The following TUSC3 variants were observed in gnomAD, a reference collection of about 807,000 sequenced individuals.
TUSC3 encodes dolichyl-diphosphooligosaccharide--protein glycosyltransferase subunit TUSC3.
Under a neutral mutation model 44.8 loss-of-function variants are expected in TUSC3, and 45 were observed. That is an observed-to-expected ratio of 1.00 (90% CI 0.79 to 1.29). The LOEUF (loss-of-function observed/expected upper bound fraction) is 1.29. TUSC3 is among the 50% of genes most tolerant of loss of function. The pLI is 0.00. For synonymous variants in TUSC3, 212 were observed against 152.9 expected, an observed-to-expected ratio of 1.39 and a Z score of -2.85; for missense variants, 519 against 437.9, an observed-to-expected ratio of 1.19 and a Z score of -1.65.
At chr8:15,777,069 G>C in the TUSC3 span, among the ~76,000 whole-genome samples, 1 of 152,070 alleles carries the variant, frequency 6.6e-6, no homozygotes, top group Non-Finnish European at 1.5e-5. Flanking sequence ...AGTCTTACAA[G>C]GTTCTTTTCC....
At chr8:15,423,969 GTTTTTTTTTTTTTTTTTTTTTTTTT>G (rs112397215) in intron 1 of TUSC3, among the ~76,000 whole-genome samples, 5 of 70,362 alleles carry the variant, frequency 7.1e-5, no homozygotes, top group Admixed American at 2.1e-4. Context: ...GTTTTGCTTT[GTTTTTTTTTTTTTTTTTTTTTTTTT>G]TTTTTTTTTT....
intron 1 of TUSC3, among the ~76,000 whole-genome samples, chr8:15,609,159 A>G (rs900342714): frequency 2.6e-5 from 4 of 152,192 alleles, no homozygotes; most frequent in Non-Finnish European, 4.4e-5. Context: ...AATTAACTCA[A>G]TTTTACAATT....
At chr8:15,446,470 A>T (rs929204334) in intron 1 of TUSC3, among the ~76,000 whole-genome samples, 2 of 152,074 alleles carry the variant, frequency 1.3e-5, no homozygotes, top group African/African-American at 4.8e-5. Context: ...CTCCGTCTGC[A>T]ATCCCGGCAC....
At position 15,619,514 on chromosome 8, in the gene TUSC3, C is replaced by T. The variant is rs542168288; in HGVS notation, c.139-3566C>T. ...CCATATATTTTTTTTTTTTTCCAGT[C>T]GAAGTCTGTCTCTGTCGCCCAGGCT... is the stretch of plus-strand genomic sequence containing the variant. On this transcript the variant is annotated intron_variant, in intron 1 of 10. Coordinates refer to ENST00000503731, the MANE Select transcript of TUSC3 (RefSeq NM_006765.4). 1.3e-4 allele frequency among the ~76,000 whole-genome samples: 20 copies of T among 150,026 alleles called. No individual in the cohort carries two copies. In the South Asian group the frequency reaches 1.5e-3, roughly 11 times the overall value.
the TUSC3 span, among the ~76,000 whole-genome samples, chr8:15,810,422 G>A: frequency 6.6e-6 from 1 of 152,168 alleles, no homozygotes; most frequent in African/African-American, 2.4e-5. Flanking sequence ...AGGATCACTT[G>A]AGCCCAGGAG....
At chr8:15,837,757 T>C in the TUSC3 span, among the ~76,000 whole-genome samples, 1 of 152,212 alleles carries the variant, frequency 6.6e-6, no homozygotes, top group African/African-American at 2.4e-5. Flanking sequence ...TTATAATAAC[T>C]TTTGTCTGGC....
rs1200487437 is a variant in TUSC3 at position 15,756,122 on chromosome 8, G to A, written c.1029-1669G>A. Among the ~76,000 whole-genome samples the A allele has an allele frequency of 2.0e-5, 3 of 152,160 alleles. 1 individual carries two copies. The highest frequency in any genetic ancestry group is 4.4e-5 in the Non-Finnish European group (3 of 68,018). ...AATTAGGAGAAGACCCGAGCTCAAG[G>A]TTGGGGTTTAATTCTGTGTATTAGC... is the stretch of plus-strand genomic sequence containing the variant. On this transcript the variant is annotated intron_variant, in intron 9 of 10. Transcript: ENST00000503731.
chr8:15,785,761 T>C, the TUSC3 span, among the ~76,000 whole-genome samples: 1 of 152,214 alleles, frequency 6.6e-6, no homozygotes, highest in East Asian at 1.9e-4. Flanking sequence ...ACAGAATAGA[T>C]GCCTAACATA....
At chr8:15,653,930 A>G (rs1197296647) in intron 3 of TUSC3, among the ~76,000 whole-genome samples, 1 of 152,064 alleles carries the variant, frequency 6.6e-6, no homozygotes, top group Non-Finnish European at 1.5e-5. Context: ...CTCACTGGGG[A>G]AGTAACTTCA....
Position 15,487,519 on chromosome 8 carries a change from A to G in TUSC3, n.189+4036A>G, listed in dbSNP as rs1237774697. Among the ~76,000 whole-genome samples, 2 of 152,222 alleles carry G rather than the reference A, an allele frequency of 1.3e-5. 1 individual carries two copies. Among genetic ancestry groups the G allele is most frequent in the Non-Finnish European group, 2.9e-5 (2 of 68,044 alleles). On this transcript the variant is annotated intron_variant and non_coding_transcript_variant, in intron 2 of 5. Transcript: ENST00000503191. ...TTAATTTATCCATTTGTATTATTATAAGGGCTAGTTTATCCTGGTAGGCTT... is the reference window on the plus strand; with the variant it reads ...TTAATTTATCCATTTGTATTATTATGAGGGCTAGTTTATCCTGGTAGGCTT...
At chr8:15,779,924 T>A in the TUSC3 span, among the ~76,000 whole-genome samples, 1 of 152,108 alleles carries the variant, frequency 6.6e-6, no homozygotes. Context: ...CCTGCTAAGA[T>A]CAGAAACAAA....
intron 2 of TUSC3, among the ~76,000 whole-genome samples, chr8:15,489,783 C>T (rs76744934): frequency 2.6e-5 from 4 of 152,114 alleles, no homozygotes; most frequent in Admixed American, 2.0e-4. Context: ...CTCTTCCCAT[C>T]GTGGCCTAAA....
upstream of TUSC3, among the ~76,000 whole-genome samples, chr8:15,538,829 T>TTA (rs1008826755): frequency 2.6e-5 from 4 of 151,482 alleles, no homozygotes; most frequent in African/African-American, 9.7e-5. Context: ...TCCTTAAGTA[T>TTA]TATATATATA....
At chr8:15,776,333 T>G in the TUSC3 span, among the ~76,000 whole-genome samples, 2 of 152,106 alleles carry the variant, frequency 1.3e-5, no homozygotes, top group African/African-American at 4.8e-5. Flanking sequence ...ATTTATTTTA[T>G]GAATGGGCAA....
At chr8:15,477,034 A>C (rs966289687) in intron 1 of TUSC3, among the ~76,000 whole-genome samples, 7 of 152,130 alleles carry the variant, frequency 4.6e-5, no homozygotes, top group Non-Finnish European at 1.0e-4. Flanking sequence ...AACCCATCAG[A>C]GGTACTTACG....
chr8:15,815,090 T>C, the TUSC3 span, among the ~76,000 whole-genome samples: 5 of 152,248 alleles, frequency 3.3e-5, 1 homozygote, highest in South Asian at 1.0e-3. Context: ...TAATGAGATA[T>C]AAGTAATGAG....
intron 6 of TUSC3, among the ~76,000 whole-genome samples, chr8:15,676,755 C>G (rs1808208061): frequency 6.6e-6 from 1 of 152,112 alleles, no homozygotes; most frequent in Admixed American, 6.5e-5. Context: ...TCATCCAGCT[C>G]CAAATATCAG....
chr8:15,582,207 C>T (rs1308495371), intron 1 of TUSC3, among the ~76,000 whole-genome samples: 2 of 152,190 alleles, frequency 1.3e-5, no homozygotes, highest in Non-Finnish European at 2.9e-5. Flanking sequence ...CGCCCACTGT[C>T]TGGCACTCCC....
At chr8:15,750,364 A>G (rs1030826896) in intron 9 of TUSC3, among the ~76,000 whole-genome samples, 1 of 152,152 alleles carries the variant, frequency 6.6e-6, no homozygotes, top group Non-Finnish European at 1.5e-5. Flanking sequence ...AGAGCATGTA[A>G]TGATACTAAA....
Sources: gnomAD v4.1 joint callset for allele counts (sites outside exome capture counted in the v4.1 genomes callset) on GRCh38, gnomAD v4.1.1 for gene constraint, MANE v1.5 for transcripts, NCBI Gene and HGNC (gene_info 2026-07-23, HGNC 2026-07-21) for gene names.